The following DTD1 variants were observed in gnomAD, a reference collection of about 807,000 sequenced individuals.
DTD1 encodes the protein D-tyrosyl-tRNA deacylase 1 homolog.
A neutral mutation model predicts 25.6 loss-of-function variants in DTD1; 13 were observed. That is an observed-to-expected ratio of 0.51 (90% CI 0.33 to 0.81). DTD1 has a LOEUF of 0.81. Among genes scored for constraint, DTD1 ranks in the 30% least tolerant of loss-of-function variants. DTD1 has a pLI of 0.02. For missense variants in DTD1, 193 were observed against 266.4 expected (o/e 0.72, Z 1.92); for synonymous variants, 110 against 103.6 (o/e 1.06, Z -0.37).
chr20:18,676,077 C>T (rs1342052260), intron 4 of DTD1, among the ~76,000 whole-genome samples: 6 of 152,118 alleles, frequency 3.9e-5, no homozygotes, highest in Admixed American at 2.0e-4. Flanking sequence ...GAGTTATGCT[C>T]TAGTTTTTCC....
At chr20:18,742,072 G>A (rs559161334) in intron 4 of DTD1, among the ~76,000 whole-genome samples, 7 of 151,986 alleles carry the variant, frequency 4.6e-5, no homozygotes, top group African/African-American at 1.7e-4. Context: ...TAGATCTACT[G>A]TACAATATTG....
Position 18,628,146 on chromosome 20 carries a change from C to T in DTD1, c.390C>T (p.Tyr130=). The T allele has an allele frequency of 1.2e-6, 2 of 1,613,722 alleles. No individual in the cohort carries two copies. Among genetic ancestry groups the T allele is most frequent in the South Asian group, 1.1e-5 (1 of 91,050 alleles). ...TTTCAGATGGCAAGTTTGGGGCCTA[C>T]ATGCAGGTGCACATTCAGAATGATG... The part of the protein sequence containing the change: ...ELIKDGKFGA[Y]MQVHIQNDGP... Residue 130 remains tyrosine (Y), a synonymous_variant, in exon 4 of 6, where the codon TAC becomes TAT. Transcript: ENST00000377452.
intron 4 of DTD1, among the ~76,000 whole-genome samples, chr20:18,666,872 A>G (rs1228331819): frequency 6.6e-6 from 1 of 152,310 alleles, no homozygotes. Context: ...TTAGTTTCCA[A>G]CCCCTATAAA....
At position 18,700,553 on chromosome 20, in the gene DTD1, AT is replaced by A. The variant is rs377538516; in HGVS notation, c.478-43539del. On this transcript the variant is annotated intron_variant, in intron 4 of 5. Coordinates refer to ENST00000377452, the MANE Select transcript of DTD1 (RefSeq NM_080820.6). ...CAATAGCTTTTGGGATACAAGTGGGATTTTTTTTGTTATGTGGATGAATTAC... is the reference window on the plus strand; with the variant it reads ...CAATAGCTTTTGGGATACAAGTGGGATTTTTTTGTTATGTGGATGAATTAC... 6.2e-5 allele frequency among the ~76,000 whole-genome samples: 9 copies of A among 144,504 alleles called. No individual in the cohort carries two copies. In the East Asian group the frequency reaches 1.2e-3, roughly 19 times the overall value. 94.8% of individuals were successfully genotyped at this position (144,504 alleles called of 152,430 possible).
intron 1 of DTD1, among the ~76,000 whole-genome samples, chr20:18,592,977 C>T (rs777507072): frequency 2.6e-5 from 4 of 152,138 alleles, no homozygotes; most frequent in African/African-American, 7.2e-5. Flanking sequence ...CCACCATGCC[C>T]GGCCCATAAT....
intron 5 of DTD1, among the ~76,000 whole-genome samples, chr20:18,750,168 A>G (rs1338792630): frequency 6.6e-6 from 1 of 152,156 alleles, no homozygotes; most frequent in Non-Finnish European, 1.5e-5. Context: ...ACGGGACCAG[A>G]ACCAAGTGAC....
chr20:18,645,292 C>G (rs766044314), intron 4 of DTD1, among the ~76,000 whole-genome samples: 4 of 152,194 alleles, frequency 2.6e-5, no homozygotes, highest in Admixed American at 2.6e-4. Flanking sequence ...ATTGAAGCAT[C>G]TAATTTTCAC....
At chr20:18,620,427 G>C (rs2060729136) in intron 3 of DTD1, among the ~76,000 whole-genome samples, 1 of 152,144 alleles carries the variant, frequency 6.6e-6, no homozygotes, top group Non-Finnish European at 1.5e-5. Flanking sequence ...ACCTATCTCA[G>C]TTGGTGGCAA....
At chr20:18,596,742 T>C (rs1459750717) in intron 3 of DTD1, among the ~76,000 whole-genome samples, 4 of 150,618 alleles carry the variant, frequency 2.7e-5, no homozygotes, top group South Asian at 2.1e-4. Context: ...TTTTTTTTTT[T>C]CTAAATAAAG....
chr20:18,760,515 G>A (rs1368655128), intron 5 of DTD1, among the ~76,000 whole-genome samples: 1 of 152,170 alleles, frequency 6.6e-6, no homozygotes, highest in Non-Finnish European at 1.5e-5. Context: ...GACCCTGTTT[G>A]CCTGGCTATC....
intron 4 of DTD1, among the ~76,000 whole-genome samples, chr20:18,695,553 TC>T (rs2061071859): frequency 6.4e-5 from 2 of 31,040 alleles, no homozygotes; most frequent in Non-Finnish European, 1.3e-4. Context: ...TCCCTTCCCT[TC>T]CCTTCTCTTC....
At chr20:18,689,886 T>C (rs879745435) in intron 4 of DTD1, among the ~76,000 whole-genome samples, 6 of 6,156 alleles carry the variant, frequency 9.7e-4, no homozygotes, top group South Asian at 6.0e-3. Flanking sequence ...TAGTCAGTCC[T>C]AACTACTTGG....
intron 3 of DTD1, among the ~76,000 whole-genome samples, chr20:18,625,730 T>C (rs999852528): frequency 6.6e-6 from 1 of 152,238 alleles, no homozygotes; most frequent in African/African-American, 2.4e-5. Flanking sequence ...TGTTGGGGTT[T>C]CCATCAGTAA....
At chr20:18,638,997 A>G (rs1024861413) in intron 4 of DTD1, among the ~76,000 whole-genome samples, 11 of 152,202 alleles carry the variant, frequency 7.2e-5, no homozygotes, top group African/African-American at 2.6e-4. Flanking sequence ...CCCACAGTTC[A>G]CTGCAGGAAT....
chr20:18,594,967 G>A (rs1278039473), intron 2 of DTD1, among the ~76,000 whole-genome samples: 1 of 152,202 alleles, frequency 6.6e-6, no homozygotes, highest in Non-Finnish European at 1.5e-5. Flanking sequence ...CAGTTAATTA[G>A]TATTTATAGA....
chr20:18,734,648 CT>C (rs1399574982), intron 4 of DTD1, among the ~76,000 whole-genome samples: 3 of 152,224 alleles, frequency 2.0e-5, no homozygotes, highest in African/African-American at 7.2e-5. Context: ...ATGCATTACT[CT>C]TACATTGTCT....
chr20:18,749,259 G>A lies in DTD1; in HGVS notation c.*19+4988G>A, dbSNP rs1382321889. On this transcript the variant is annotated intron_variant, in intron 5 of 5. Transcript: ENST00000377452. This position sits in a 1 kb window ranked among gnomAD's most constrained non-coding sequence, Gnocchi z 4.2. ...TGCAGGTGGCTCCAGGGCTCCAGGAGGCAGCTGCAGCCCAGTGAGGTAGCA... is the reference window on the plus strand; with the variant it reads ...TGCAGGTGGCTCCAGGGCTCCAGGAAGCAGCTGCAGCCCAGTGAGGTAGCA... Among the ~76,000 whole-genome samples the A allele has an allele frequency of 6.6e-6, 1 of 152,206 alleles. No individual in the cohort carries two copies. The highest frequency in any genetic ancestry group is 2.4e-5 in the African/African-American group (1 of 41,458).
At chr20:18,730,020 A>G (rs984785512) in intron 4 of DTD1, among the ~76,000 whole-genome samples, 3 of 151,684 alleles carry the variant, frequency 2.0e-5, no homozygotes, top group African/African-American at 4.9e-5. Flanking sequence ...TCCTGTTTCT[A>G]CCTGCTCCAC....
intron 4 of DTD1, among the ~76,000 whole-genome samples, chr20:18,672,439 T>C (rs141022121): frequency 1.3e-5 from 2 of 152,228 alleles, no homozygotes; most frequent in African/African-American, 4.8e-5. Context: ...TTTGAATAGC[T>C]TTTTTCAGTT....
Sources: gnomAD v4.1 joint callset for allele counts (sites outside exome capture counted in the v4.1 genomes callset) on GRCh38, gnomAD v4.1.1 for gene constraint, Gnocchi (gnomAD v3.1) non-coding constraint, MANE v1.5 for transcripts, NCBI Gene and HGNC (gene_info 2026-07-23, HGNC 2026-07-21) for gene names.